The following ACER3 variants were observed in gnomAD, a reference collection of about 807,000 sequenced individuals.
The protein encoded by ACER3 is alkaline ceramidase 3.
In ACER3, 16 loss-of-function variants were observed where a neutral mutation model predicts 48.9. The observed-to-expected ratio is 0.33, with a 90% CI of 0.22 to 0.50. ACER3 has a LOEUF of 0.50. Ranked by LOEUF, ACER3 falls within the 20% of genes least tolerant of loss-of-function variation. ACER3 has a pLI of 0.98. For missense variants in ACER3, 227 were observed against 326.0 expected, an observed-to-expected ratio of 0.70 and a Z score of 2.34; for synonymous variants, 109 against 107.8, an observed-to-expected ratio of 1.01 and a Z score of -0.07.
chr11:76,888,337 T>G (rs572103153), intron 1 of ACER3, among the ~76,000 whole-genome samples: 1 of 152,364 alleles, frequency 6.6e-6, no homozygotes, highest in South Asian at 2.1e-4. Flanking sequence ...AAATCTATTC[T>G]GTTTCTTTTG....
At chr11:76,932,534 A>G (rs1165015707) in intron 2 of ACER3, among the ~76,000 whole-genome samples, 4 of 152,170 alleles carry the variant, frequency 2.6e-5, no homozygotes, top group Non-Finnish European at 5.9e-5. Context: ...ATGTTTATAA[A>G]ACATGGACAG....
rs1491403985 is a variant in ACER3, at chr11:77,005,992, T to TATATA, written c.497+7171_497+7172insATATA. 3.7e-4 allele frequency among the ~76,000 whole-genome samples: 26 copies of TATATA among 70,580 alleles called. 1 individual carries two copies. Among genetic ancestry groups the TATATA allele is most frequent in the African/African-American group, 7.1e-4 (13 of 18,252 alleles). The allele number at this position is 70,580 out of a possible 152,430, so 46.3% of individuals were successfully genotyped here. A position where few individuals can be genotyped will look rare whatever the true frequency, so the allele number is the denominator to read the frequency against. The stretch of plus-strand genomic sequence containing the variant: ...ATATACATATATATATATATATATA[T>TATATA]TTTTTTTTTTTTTTGAGCCAGAGTT... On this transcript the variant is annotated intron_variant, in intron 7 of 10. Transcript: ENST00000532485.
At chr11:76,951,870 G>A (rs1456709212) in intron 2 of ACER3, among the ~76,000 whole-genome samples, 1 of 152,138 alleles carries the variant, frequency 6.6e-6, no homozygotes, top group African/African-American at 2.4e-5. Flanking sequence ...GGTACCCACT[G>A]AATCAGAAGC....
intron 1 of ACER3, among the ~76,000 whole-genome samples, chr11:76,894,380 A>G (rs569464419): frequency 6.6e-6 from 1 of 152,348 alleles, no homozygotes; most frequent in East Asian, 1.9e-4. Context: ...ATTCAATGGT[A>G]TTACCTTAAA....
intron 2 of ACER3, among the ~76,000 whole-genome samples, chr11:76,934,670 CCG>C (rs1405426136): frequency 7.0e-5 from 10 of 143,182 alleles, no homozygotes; most frequent in African/African-American, 3.0e-4. Flanking sequence ...CAGAGGGAGA[CCG>C]TGGAAAGAGA....
chr11:76,872,165 C>T lies in ACER3; in HGVS notation c.103+11086C>T, dbSNP rs181828683. ...CACCTTGGCTCACTGCAACCTCTGCCTCCTGGGTTCAGATTATTCTCCTGC... is the reference window on the plus strand; with the variant it reads ...CACCTTGGCTCACTGCAACCTCTGCTTCCTGGGTTCAGATTATTCTCCTGC... On this transcript the variant is annotated intron_variant, in intron 1 of 10. Transcript: ENST00000532485. Among the ~76,000 whole-genome samples the T allele has an allele frequency of 1.3e-3, 204 of 152,028 alleles. 2 individuals carry two copies. Among genetic ancestry groups the T allele is most frequent in the African/African-American group, 4.7e-3 (194 of 41,472 alleles).
At chr11:77,011,977 T>C (rs1485923064) in intron 7 of ACER3, among the ~76,000 whole-genome samples, 2 of 152,112 alleles carry the variant, frequency 1.3e-5, no homozygotes, top group Non-Finnish European at 2.9e-5. Context: ...TCATGACATG[T>C]ATTTTTTTTA....
intron 1 of ACER3, among the ~76,000 whole-genome samples, chr11:76,882,950 CCCTTT>C (rs1945565946): frequency 1.3e-5 from 2 of 152,162 alleles, no homozygotes; most frequent in African/African-American, 4.8e-5. Flanking sequence ...TCTTTGTTTT[CCCTTT>C]CGAGATTCCT....
chr11:76,961,454 A>G (rs1232446125), intron 3 of ACER3, among the ~76,000 whole-genome samples: 1 of 152,080 alleles, frequency 6.6e-6, no homozygotes, highest in African/African-American at 2.4e-5. Context: ...GGAATGGGGA[A>G]CTTCAAAGCC....
At chr11:77,009,900 C>T (rs893942065) in intron 7 of ACER3, among the ~76,000 whole-genome samples, 3 of 151,954 alleles carry the variant, frequency 2.0e-5, no homozygotes, top group African/African-American at 4.8e-5. Flanking sequence ...TTTGAAGCCA[C>T]AAAACAGAAG....
At chr11:77,020,163 T>C (rs1949448507) in intron 10 of ACER3, 111 bp from the exon 11 acceptor site, 3 of 1,118,576 alleles carry the variant, frequency 2.7e-6, no homozygotes, top group Non-Finnish European at 3.9e-6. Flanking sequence ...GGACAATCAC[T>C]AGCAAACCTA....
intron 7 of ACER3, among the ~76,000 whole-genome samples, chr11:77,009,015 G>A (rs1555021574): frequency 6.6e-6 from 1 of 152,174 alleles, no homozygotes; most frequent in Non-Finnish European, 1.5e-5. Context: ...AGCCATGATT[G>A]TACCACTGCA....
chr11:76,959,255 G>C, intron 3 of ACER3: 1 of 1,372,702 alleles, frequency 7.3e-7, no homozygotes, highest in Non-Finnish European at 9.4e-7. Context: ...GACCATCTCT[G>C]TGCGGGCATA....
At chr11:77,016,507 T>C (rs782425825) in intron 8 of ACER3, among the ~76,000 whole-genome samples, 168 bp from the exon 9 acceptor site, 1 of 152,266 alleles carries the variant, frequency 6.6e-6, no homozygotes, top group Admixed American at 6.5e-5. Flanking sequence ...TGTTGAATAC[T>C]GTTCCTCAGA....
intron 6 of ACER3, among the ~76,000 whole-genome samples, chr11:76,993,244 A>G (rs1948839630): frequency 1.3e-5 from 2 of 152,170 alleles, no homozygotes; most frequent in Non-Finnish European, 2.9e-5. Flanking sequence ...TACATATACT[A>G]GTGAATAAAA....
chr11:76,922,102 T>G (rs1052967023), intron 1 of ACER3, among the ~76,000 whole-genome samples: 1 of 152,128 alleles, frequency 6.6e-6, no homozygotes, highest in African/African-American at 2.4e-5. Context: ...CCTCCCAGAA[T>G]AGCCTACTGT....
intron 5 of ACER3, among the ~76,000 whole-genome samples, chr11:76,988,407 C>T (rs1490993641): frequency 2.0e-5 from 3 of 152,174 alleles, no homozygotes; most frequent in African/African-American, 4.8e-5. Flanking sequence ...CTCACAGTTC[C>T]GCATGGCTGG....
At chr11:77,001,001 G>C (rs1208803558) in intron 7 of ACER3, among the ~76,000 whole-genome samples, 1 of 152,158 alleles carries the variant, frequency 6.6e-6, no homozygotes, top group African/African-American at 2.4e-5. Context: ...TCAATTTGCA[G>C]AGCTGACATC....
At chr11:76,940,076 T>C (rs917931356) in intron 2 of ACER3, among the ~76,000 whole-genome samples, 2 of 152,236 alleles carry the variant, frequency 1.3e-5, no homozygotes, top group Non-Finnish European at 2.9e-5. Context: ...TAAAGAGTCA[T>C]GCTCTCTGCA....
Sources: allele counts gnomAD v4.1 joint callset (sites outside exome capture counted in the v4.1 genomes callset), GRCh38; gene constraint gnomAD v4.1.1; transcripts MANE v1.5; gene names NCBI Gene and HGNC (gene_info 2026-07-23, HGNC 2026-07-21).